Variants in CBX5 observed in about 807,000 individuals in gnomAD.
The protein encoded by CBX5 is chromobox protein homolog 5.
A neutral mutation model predicts 20.7 loss-of-function variants in CBX5; 7 were observed. The ratio of observed to expected loss-of-function variants is 0.34; its 90% CI spans 0.19 to 0.63. The LOEUF is 0.63. CBX5 is among the 30% of genes least tolerant of loss of function. The probability of loss-of-function intolerance (pLI) is 0.75; values close to 1 mark genes in which losing one functional copy is unlikely to be tolerated. For missense variants in CBX5, 110 were observed against 224.1 expected (o/e 0.49, Z 3.25); for synonymous variants, 78 against 77.0 (o/e 1.01, Z -0.07).
chr12:54,252,571 A>G, intron 2 of CBX5: 1 of 201,204 alleles, frequency 5.0e-6, no homozygotes, highest in Non-Finnish European at 9.8e-6. Context: ...AAATATTAAA[A>G]CATGCTACAA....
chr12:54,245,468 C>T (rs193295799), intron 4 of CBX5, among the ~76,000 whole-genome samples: 97 of 152,176 alleles, frequency 6.4e-4, no homozygotes, highest in Admixed American at 1.8e-3. Context: ...ACCAGCCTGG[C>T]CAACACAGCA....
chr12:54,245,618 C>G (rs1565867489), intron 4 of CBX5, among the ~76,000 whole-genome samples: 1 of 151,980 alleles, frequency 6.6e-6, no homozygotes, highest in Non-Finnish European at 1.5e-5. Flanking sequence ...ATAGAGGAAC[C>G]CTGTCTCTAC....
intron 3 of CBX5, among the ~76,000 whole-genome samples, chr12:54,249,025 T>C (rs1380754423): frequency 6.6e-6 from 1 of 152,112 alleles, no homozygotes; most frequent in Non-Finnish European, 1.5e-5. Context: ...GGAACAAAAC[T>C]CTGTGCACTG....
At chr12:54,273,051 A>C (rs536086341) in intron 1 of CBX5, 1 of 152,320 alleles carries the variant, frequency 6.6e-6, no homozygotes, top group East Asian at 1.9e-4. Context: ...TTAGGGAACC[A>C]ATGTGTAGTG....
intron 1 of CBX5, among the ~76,000 whole-genome samples, chr12:54,267,092 G>A (rs372176313): frequency 2.0e-5 from 3 of 152,164 alleles, no homozygotes; most frequent in East Asian, 1.9e-4. Context: ...ACATTCTCAG[G>A]TGGGTGTTAA....
intron 1 of CBX5, chr12:54,276,888 A>G (rs371776962): frequency 8.5e-5 from 13 of 152,336 alleles, no homozygotes; most frequent in African/African-American, 3.1e-4. Flanking sequence ...CCAGGAAAAG[A>G]AAGAGGCTAG....
chr12:54,250,521 C>T (rs1263972710), intron 3 of CBX5, among the ~76,000 whole-genome samples: 2 of 151,410 alleles, frequency 1.3e-5, no homozygotes, highest in Non-Finnish European at 2.9e-5. Context: ...AAGAAAGGGC[C>T]GGGGCCGGGC....
chr12:54,252,564 T>C (rs1246498082), intron 2 of CBX5: 1 of 210,104 alleles, frequency 4.8e-6, no homozygotes, highest in African/African-American at 2.3e-5. Flanking sequence ...ATAAGCAAAA[T>C]ATTAAAACAT....
At chr12:54,261,897 C>T (rs1479101760) in intron 1 of CBX5, among the ~76,000 whole-genome samples, 1 of 152,112 alleles carries the variant, frequency 6.6e-6, no homozygotes, top group Non-Finnish European at 1.5e-5. Flanking sequence ...TCTATTAAGT[C>T]CCCCAAAAAG....
rs143871468 is a variant in CBX5, at chr12:54,252,290, C to T, written c.138-63G>A. 2.0e-4 allele frequency: 232 copies of T among 1,168,062 alleles called. 1 individual carries two copies. The African/African-American group carries it at 3.2e-3, about 16-fold the overall frequency. 72.4% of individuals were successfully genotyped at this position (1,168,062 alleles called of 1,614,324 possible). A position where few individuals can be genotyped will look rare whatever the true frequency, so the allele number is the denominator to read the frequency against. ...GGGGGTAAAGAATGAGGAAAAAAATCCAATGCCTTATTTCAAAGAGGACAT... is the reference window on the plus strand; with the variant it reads ...GGGGGTAAAGAATGAGGAAAAAAATTCAATGCCTTATTTCAAAGAGGACAT... On this transcript the variant is annotated intron_variant, in intron 2 of 4. Transcript: ENST00000209875.
intron 1 of CBX5, among the ~76,000 whole-genome samples, chr12:54,258,777 A>T (rs1943886706): frequency 6.6e-6 from 1 of 152,032 alleles, no homozygotes; most frequent in Non-Finnish European, 1.5e-5. Flanking sequence ...TCTTAGCTGA[A>T]CTCCATTATT....
At chr12:54,266,101 G>A (rs1365751841) in intron 1 of CBX5, among the ~76,000 whole-genome samples, 1 of 148,858 alleles carries the variant, frequency 6.7e-6, no homozygotes, top group Admixed American at 6.7e-5. Flanking sequence ...GGGAGTAAAG[G>A]GCCTTTTGTT....
chr12:54,271,990 A>G (rs1944015166), intron 1 of CBX5: 1 of 152,202 alleles, frequency 6.6e-6, no homozygotes, highest in African/African-American at 2.4e-5. Flanking sequence ...GCAGTATATT[A>G]CCCTCCACAA....
At chr12:54,262,099 C>G (rs1195956428) in intron 1 of CBX5, among the ~76,000 whole-genome samples, 1 of 152,224 alleles carries the variant, frequency 6.6e-6, no homozygotes, top group African/African-American at 2.4e-5. Flanking sequence ...CTTCAGAGAA[C>G]AGGGTAGGTA....
chr12:54,256,072 C>A (rs1943860313), intron 2 of CBX5, among the ~76,000 whole-genome samples: 1 of 152,188 alleles, frequency 6.6e-6, no homozygotes, highest in African/African-American at 2.4e-5. Context: ...TTTGTCTACC[C>A]CAAACCTTAC....
intron 1 of CBX5, among the ~76,000 whole-genome samples, chr12:54,265,959 A>G (rs1171438381): frequency 6.6e-6 from 1 of 151,978 alleles, no homozygotes; most frequent in Non-Finnish European, 1.5e-5. Flanking sequence ...AGGCAGGAGA[A>G]GCGCTTGAAC....
chr12:54,265,559 G>A lies in CBX5; in HGVS notation c.-42-7867C>T, dbSNP rs553310619. On this transcript the variant is annotated intron_variant, in intron 1 of 4. Transcript: ENST00000209875. ...GCACACAATTCAAGAGGAGTTAAAAGCTTTTTAAATGTCTGTTTAAGAGAC... is the reference window on the plus strand; with the variant it reads ...GCACACAATTCAAGAGGAGTTAAAAACTTTTTAAATGTCTGTTTAAGAGAC... 3.9e-5 allele frequency among the ~76,000 whole-genome samples: 6 copies of A among 152,294 alleles called. No individual in the cohort carries two copies. In the East Asian group the frequency reaches 9.6e-4, roughly 24 times the overall value.
At chr12:54,276,837 T>C (rs1944073564) in intron 1 of CBX5, 1 of 152,192 alleles carries the variant, frequency 6.6e-6, no homozygotes, top group Admixed American at 6.5e-5. Flanking sequence ...ATATTTCTTA[T>C]TGCGGTCAAA....
At chr12:54,254,072 G>A (rs561319714) in intron 2 of CBX5, among the ~76,000 whole-genome samples, 178 of 152,110 alleles carry the variant, frequency 1.2e-3, no homozygotes, top group African/African-American at 4.2e-3. Context: ...ATTTCAATGG[G>A]TGAATGTTAT....
Sources: allele counts gnomAD v4.1 joint callset (sites outside exome capture counted in the v4.1 genomes callset), GRCh38; gene constraint gnomAD v4.1.1; transcripts MANE v1.5; gene names NCBI Gene and HGNC (gene_info 2026-07-23, HGNC 2026-07-21).